HEATR5B: variants seen among roughly 807,000 people sequenced by gnomAD.
The protein encoded by HEATR5B is HEAT repeat containing 5B, also known as HEAT repeat-containing protein 5B.
A neutral mutation model predicts 224.1 loss-of-function variants in HEATR5B; 156 were observed. That is an observed-to-expected ratio of 0.70 (90% CI 0.61 to 0.80). HEATR5B has a LOEUF of 0.80. HEATR5B is among the 30% of genes least tolerant of loss of function. The pLI is 0.00. For synonymous variants in HEATR5B, 1,027 were observed against 893.0 expected (o/e 1.15, Z -2.68); for missense variants, 2,323 against 2,535.5 (o/e 0.92, Z 1.80).
At chr2:37,033,382 G>T (rs764407903) in intron 21 of HEATR5B, among the ~76,000 whole-genome samples, 7 of 152,034 alleles carry the variant, frequency 4.6e-5, no homozygotes, top group Non-Finnish European at 8.8e-5. Context: ...AAATCCAGAA[G>T]GATCTTCTGC....
At position 36,996,123 on chromosome 2, in the gene HEATR5B, C is replaced by T. The variant is rs542918648; in HGVS notation, c.5545+4463G>A. Among the ~76,000 whole-genome samples the T allele has an allele frequency of 2.8e-4, 42 of 151,144 alleles. No individual in the cohort carries two copies. The South Asian group carries it at 5.2e-3, about 19-fold the overall frequency. On this transcript the variant is annotated intron_variant, in intron 33 of 35. Coordinates refer to ENST00000233099, the MANE Select transcript of HEATR5B (RefSeq NM_019024.3). ...GTCACCAGGCTGGAGTGCAGTGGCGCGATCTCAGCTCATTACAACCTCCAC... is the reference window on the plus strand; with the variant it reads ...GTCACCAGGCTGGAGTGCAGTGGCGTGATCTCAGCTCATTACAACCTCCAC...
rs920311566 is a variant in HEATR5B, at chr2:37,005,696, C to T, written c.4841G>A (p.Cys1614Tyr). 1.9e-6 allele frequency: 3 copies of T among 1,611,434 alleles called. No homozygotes were observed. Among genetic ancestry groups the T allele is most frequent in the African/African-American group, 2.7e-5 (2 of 74,816 alleles). The change falls in exon 30 of 36, where the codon TGC (cysteine) becomes TAC (tyrosine). Residue 1614 changes from cysteine to tyrosine, a missense_variant. Physicochemically the swap from Cys to Tyr is radical, Grantham distance 194. This residue lies in a region of HEATR5B where 844 missense variants were observed against 812.9 expected (regional missense o/e 1.04). Coordinates refer to ENST00000233099, the MANE Select transcript of HEATR5B (RefSeq NM_019024.3). ...PEEPIEHVTACLQALHTLLDS... is the reference protein window; with the variant it reads ...PEEPIEHVTAYLQALHTLLDS... ...TAGCAAGGTATGTAAGGCCTGCAGGCATGCTGTAACATGTTCAATGGGCTC... is the reference window on the plus strand; with the variant it reads ...TAGCAAGGTATGTAAGGCCTGCAGGTATGCTGTAACATGTTCAATGGGCTC...
At chr2:36,982,025 TA>T (rs3832130) in intron 35 of HEATR5B, among the ~76,000 whole-genome samples, 31,623 of 143,762 alleles carry the variant, frequency 0.22, 4,223 homozygotes, top group East Asian at 0.67. Flanking sequence ...TTGCTTTACT[TA>T]AAAAAAAAAA....
chr2:37,063,808 TTTTTA>T (rs1203447072), intron 10 of HEATR5B, among the ~76,000 whole-genome samples: 8 of 152,086 alleles, frequency 5.3e-5, no homozygotes, highest in Admixed American at 6.6e-5. Flanking sequence ...CTACTCATAT[TTTTTA>T]TTTTATTTTA....
intron 24 of HEATR5B, among the ~76,000 whole-genome samples, chr2:37,025,659 T>A (rs963537695): frequency 6.9e-6 from 1 of 145,388 alleles, no homozygotes; most frequent in Admixed American, 6.7e-5. Flanking sequence ...AAGCAAAACA[T>A]CAATGTATAA....
chr2:37,023,892 TAGGAAGCAAAA>T (rs1558745170), intron 24 of HEATR5B, among the ~76,000 whole-genome samples: 2 of 152,084 alleles, frequency 1.3e-5, no homozygotes, highest in Non-Finnish European at 1.5e-5. Flanking sequence ...TCCTCACCTA[TAGGAAGCAAAA>T]ACACACCACC....
At chr2:36,982,147 G>C (rs1473560092) in intron 35 of HEATR5B, among the ~76,000 whole-genome samples, 1 of 152,054 alleles carries the variant, frequency 6.6e-6, no homozygotes, top group African/African-American at 2.4e-5. Flanking sequence ...CAGGAGATTG[G>C]AGTGAGGAAC....
intron 22 of HEATR5B, among the ~76,000 whole-genome samples, chr2:37,032,157 A>G (rs1288890929): frequency 6.6e-6 from 1 of 152,188 alleles, no homozygotes; most frequent in Non-Finnish European, 1.5e-5. Flanking sequence ...AAACATCCTC[A>G]AGAAATGGCA....
chr2:37,056,683 A>T, intron 15 of HEATR5B, 68 bp from the exon 16 acceptor site: 4 of 1,346,496 alleles, frequency 3.0e-6, no homozygotes, highest in Non-Finnish European at 4.1e-6. Flanking sequence ...AACATTGGGA[A>T]TGAGGATTAC....
chr2:37,027,963 A>ATCAAAGTGAGCCTGG lies in HEATR5B; in HGVS notation c.3798_3812dup (p.Gln1267_Asp1271dup), dbSNP rs1186513156. On this transcript the variant is annotated inframe_insertion, in exon 24 of 36. Transcript: ENST00000233099. ...GTTTAGCAGAACGTGCCAAGGCAAG[A>ATCAAAGTGAGCCTGG]TCAAAGTGAGCCTGGTCTGCATTCT... The ATCAAAGTGAGCCTGG allele has an allele frequency of 4.3e-6, 7 of 1,614,222 alleles. No homozygotes were observed. In the East Asian group the frequency reaches 1.3e-4, roughly 31 times the overall value.
intron 10 of HEATR5B, 135 bp downstream of exon 10, chr2:37,064,605 G>T: frequency 1.2e-6 from 1 of 822,430 alleles, no homozygotes; most frequent in Non-Finnish European, 1.9e-6. Flanking sequence ...TAACACCATA[G>T]TAAGAACACT....
rs188027611 is a variant in HEATR5B at position 37,056,668 on chromosome 2, T to C, written c.2224-53A>G. ...CAAAATCTACTTTAGGAAATCTACTTATTAAACATTGGGAATGAGGATTAC... is the reference window on the plus strand; with the variant it reads ...CAAAATCTACTTTAGGAAATCTACTCATTAAACATTGGGAATGAGGATTAC... On this transcript the variant is annotated intron_variant, in intron 15 of 35. Transcript: ENST00000233099. 1.9e-3 allele frequency: 2,757 copies of C among 1,438,208 alleles called. 6 individuals are homozygous for C. The highest frequency in any genetic ancestry group is 2.4e-3 in the Non-Finnish European group (2,533 of 1,058,122). The allele number at this position is 1,438,208 out of a possible 1,614,324, so 89.1% of individuals were successfully genotyped here.
At chr2:37,001,739 C>T (rs1667104672) in intron 32 of HEATR5B, among the ~76,000 whole-genome samples, 1 of 151,870 alleles carries the variant, frequency 6.6e-6, no homozygotes, top group African/African-American at 2.4e-5. Context: ...TCTCGGCTCA[C>T]TGCAGCCTCT....
intron 2 of HEATR5B, among the ~76,000 whole-genome samples, chr2:37,080,687 G>A (rs1339936192): frequency 6.6e-6 from 1 of 151,858 alleles, no homozygotes; most frequent in African/African-American, 2.4e-5. Context: ...GAAAGAGGTG[G>A]AGTAAACATT....
intron 26 of HEATR5B, among the ~76,000 whole-genome samples, chr2:37,018,691 A>C (rs762191040): frequency 2.4e-4 from 36 of 152,206 alleles, no homozygotes; most frequent in Non-Finnish European, 5.0e-4. Context: ...CTAAGCAAAA[A>C]TGATGGACCA....
intron 5 of HEATR5B, among the ~76,000 whole-genome samples, chr2:37,072,988 T>C (rs1671997509): frequency 6.6e-6 from 1 of 152,140 alleles, no homozygotes; most frequent in Non-Finnish European, 1.5e-5. Flanking sequence ...TCAAAAAAAC[T>C]CTAGGAGATG....
At chr2:37,034,239 C>T (rs1252708534) in intron 21 of HEATR5B, among the ~76,000 whole-genome samples, 3 of 150,808 alleles carry the variant, frequency 2.0e-5, no homozygotes, top group African/African-American at 7.3e-5. Context: ...ATCTCCTGAC[C>T]TTCTGATCCG....
At chr2:37,053,700 G>A in intron 16 of HEATR5B, 93 bp from the exon 17 acceptor site, 2 of 626,066 alleles carry the variant, frequency 3.2e-6, no homozygotes, top group Admixed American at 3.1e-5. Context: ...TAATTGTTTA[G>A]CAAATAATTC....
intron 18 of HEATR5B, among the ~76,000 whole-genome samples, chr2:37,046,639 C>CA (rs531117028): frequency 0.097 from 8,749 of 90,184 alleles, 329 homozygotes; most frequent in South Asian, 0.14. Context: ...AACTCTGTCT[C>CA]AAAAAAAAAA....
Sources: allele counts gnomAD v4.1 joint callset (sites outside exome capture counted in the v4.1 genomes callset), GRCh38; gene constraint gnomAD v4.1.1; regional missense constraint gnomAD v4.1.1; transcripts MANE v1.5; gene names NCBI Gene and HGNC (gene_info 2026-07-23, HGNC 2026-07-21).